The following TRIM55 variants were observed in gnomAD, a reference collection of about 807,000 sequenced individuals.
TRIM55 encodes the protein tripartite motif containing 55.
Under a neutral mutation model 60.9 loss-of-function variants are expected in TRIM55, and 50 were observed. That is an observed-to-expected ratio of 0.82 (90% confidence interval 0.65 to 1.04). TRIM55 has a LOEUF of 1.04. Among genes scored for constraint, TRIM55 ranks in the 50% least tolerant of loss-of-function variants. TRIM55 has a pLI of 0.00. For synonymous variants in TRIM55, 237 were observed against 238.1 expected, an observed-to-expected ratio of 1.00 and a Z score of 0.04; for missense variants, 681 against 666.9, an observed-to-expected ratio of 1.02 and a Z score of -0.23.
chr8:66,165,023 A>G (rs1811249689), intron 9 of TRIM55, among the ~76,000 whole-genome samples: 1 of 152,138 alleles, frequency 6.6e-6, no homozygotes, highest in Non-Finnish European at 1.5e-5. Context: ...CGGGTAAGGG[A>G]GGAAGGGGCT....
In TRIM55 at chr8:66,142,760, C is replaced by T. The variant is rs906816808; in HGVS notation, c.603+5570C>T. Among the ~76,000 whole-genome samples, 24 of 152,192 alleles carry T rather than the reference C, an allele frequency of 1.6e-4. No homozygotes were observed. In the South Asian group the frequency reaches 1.7e-3, roughly 11 times the overall value. ...ATGGAGTTGTTTGCTGAGCACTACA[C>T]AAAGGGGCCAGCTGGTGGAGGGCTG... On this transcript the variant is annotated intron_variant, in intron 4 of 9. Transcript: ENST00000315962.
chr8:66,115,340 T>A, the TRIM55 span: 2 of 152,210 alleles, frequency 1.3e-5, no homozygotes, highest in African/African-American at 4.8e-5. Flanking sequence ...GTATTGTAAA[T>A]TACTTGAAAT....
At chr8:66,115,990 T>G in the TRIM55 span, among the ~76,000 whole-genome samples, 2 of 152,172 alleles carry the variant, frequency 1.3e-5, no homozygotes, top group Non-Finnish European at 2.9e-5. Flanking sequence ...TTTCAGCACC[T>G]AGAGGCCGGG....
At chr8:66,152,726 C>T in intron 8 of TRIM55, 99 bp downstream of exon 8, 1 of 1,453,712 alleles carries the variant, frequency 6.9e-7, no homozygotes, top group Non-Finnish European at 9.2e-7. Flanking sequence ...AAAAAGATAA[C>T]TATATGCCAG....
Position 66,171,621 on chromosome 8 carries a change from C to T in TRIM55, c.1525-2850C>T, listed in dbSNP as rs1050941601. 4.6e-5 allele frequency among the ~76,000 whole-genome samples: 7 copies of T among 152,214 alleles called. No homozygotes were observed. The South Asian group carries it at 1.5e-3, about 32-fold the overall frequency. ...TGCTTGTAATTCTCTGTCCCTTGTT[C>T]TGCTTCATAGAACATCACTATTCCC... On this transcript the variant is annotated intron_variant, in intron 9 of 9. Transcript: ENST00000315962.
chr8:66,173,658 TAA>T (rs981970791), intron 9 of TRIM55, among the ~76,000 whole-genome samples: 20 of 152,350 alleles, frequency 1.3e-4, no homozygotes, highest in African/African-American at 4.6e-4. Context: ...CCTTGAAATG[TAA>T]AGAGTTTGAG....
chr8:66,126,402 GAA>G (rs903815586), upstream of TRIM55, among the ~76,000 whole-genome samples: 7 of 152,206 alleles, frequency 4.6e-5, no homozygotes, highest in Admixed American at 1.3e-4. Context: ...AGTATAGGAT[GAA>G]AGAGGGCCAA....
In TRIM55 at chr8:66,154,010, T is replaced by C. The variant is rs182952875; in HGVS notation, c.1237-37T>C. The C allele has an allele frequency of 3.1e-5, 49 of 1,555,818 alleles. No homozygotes were observed. The East Asian group carries it at 1.0e-3, about 33-fold the overall frequency. ...CTTTTTCTTCTTCTTCTTCTTTTTT[T>C]TTTTCTTTACTTTTGAATTTATCTG... On this transcript the variant is annotated intron_variant, in intron 8 of 9. Transcript: ENST00000315962.
chr8:66,155,873 A>G (rs1330306904), intron 9 of TRIM55, among the ~76,000 whole-genome samples: 2 of 152,172 alleles, frequency 1.3e-5, no homozygotes, highest in East Asian at 1.9e-4. Context: ...AGCTCACACA[A>G]TGCAATCGCC....
intron 2 of TRIM55, among the ~76,000 whole-genome samples, chr8:66,128,818 G>T (rs1808978391): frequency 6.6e-6 from 1 of 152,032 alleles, no homozygotes; most frequent in South Asian, 2.1e-4. Context: ...CAGGCACTTT[G>T]TAGCTCCAGA....
At chr8:66,165,035 G>C (rs771592414) in intron 9 of TRIM55, among the ~76,000 whole-genome samples, 12 of 152,100 alleles carry the variant, frequency 7.9e-5, no homozygotes, top group Non-Finnish European at 7.4e-5. Flanking sequence ...GAAGGGGCTA[G>C]CAAAGCCTCT....
At chr8:66,171,541 A>G (rs1405357291) in intron 9 of TRIM55, among the ~76,000 whole-genome samples, 1 of 152,224 alleles carries the variant, frequency 6.6e-6, no homozygotes, top group African/African-American at 2.4e-5. Flanking sequence ...CTTTTTATAC[A>G]TATCAGACCA....
the TRIM55 span, among the ~76,000 whole-genome samples, chr8:66,120,172 C>T: frequency 1.3e-5 from 2 of 152,008 alleles, no homozygotes; most frequent in South Asian, 2.1e-4. Flanking sequence ...GTATTCAGTA[C>T]ATATTTATCA....
At chr8:66,124,263 A>C (rs1477241113), upstream of TRIM55, among the ~76,000 whole-genome samples, 1 of 152,226 alleles carries the variant, frequency 6.6e-6, no homozygotes, top group Non-Finnish European at 1.5e-5. Flanking sequence ...ATCATCGCTG[A>C]AAGATCAATC....
At chr8:66,126,473 C>A (rs368026382), upstream of TRIM55, among the ~76,000 whole-genome samples, 1 of 152,070 alleles carries the variant, frequency 6.6e-6, no homozygotes, top group Non-Finnish European at 1.5e-5. Context: ...TATAATGTAA[C>A]TTTTTTCTCA....
chr8:66,148,487 G>A (rs1810226421), intron 4 of TRIM55, among the ~76,000 whole-genome samples: 1 of 152,222 alleles, frequency 6.6e-6, no homozygotes, highest in Non-Finnish European at 1.5e-5. Flanking sequence ...TAAACATCAA[G>A]GGACACTTTA....
chr8:66,134,963 G>T, intron 2 of TRIM55, 27 bp from the exon 3 acceptor site: 1 of 1,612,148 alleles, frequency 6.2e-7, no homozygotes, highest in Non-Finnish European at 8.5e-7. Context: ...AGAGCTGATG[G>T]ACATTTATCT....
the TRIM55 span, chr8:66,114,472 T>G: frequency 2.2e-6 from 1 of 448,518 alleles, no homozygotes; most frequent in Non-Finnish European, 4.5e-6. Context: ...AAACTGGTTA[T>G]TTTTGCTTCA....
intron 8 of TRIM55, among the ~76,000 whole-genome samples, chr8:66,152,903 TTGTGTGTGTGTG>T (rs59283692): frequency 2.7e-3 from 379 of 140,390 alleles, no homozygotes; most frequent in Non-Finnish European, 4.4e-3. Context: ...TGTCTGGAAA[TTGTGTGTGTGTG>T]TGTGTGTGTG....
Sources: gnomAD v4.1 joint callset for allele counts (sites outside exome capture counted in the v4.1 genomes callset) on GRCh38, gnomAD v4.1.1 for gene constraint, MANE v1.5 for transcripts, NCBI Gene and HGNC (gene_info 2026-07-23, HGNC 2026-07-21) for gene names.